WWOX: variants seen among roughly 807,000 people sequenced by gnomAD.
WWOX encodes WW domain containing oxidoreductase.
WWOX carries 69 observed loss-of-function variants against 46.2 expected under a neutral mutation model. The ratio of observed to expected loss-of-function variants is 1.49; its 90% confidence interval spans 1.23 to 1.82. The LOEUF (loss-of-function observed/expected upper bound fraction) is 1.82. Ranked by LOEUF, WWOX falls within the 40% of genes most tolerant of loss-of-function variation. The pLI, the probability that WWOX is intolerant of heterozygous loss-of-function variation, is 0.00. For synonymous variants in WWOX, 359 were observed against 202.6 expected (o/e 1.77, Z -6.56); for missense variants, 919 against 542.6 (o/e 1.69, Z -6.89).
intron 5 of WWOX, among the ~76,000 whole-genome samples, chr16:78,265,208 C>T (rs2079337216): frequency 6.6e-6 from 1 of 151,824 alleles, no homozygotes; most frequent in Non-Finnish European, 1.5e-5. Flanking sequence ...ATCATGTAGG[C>T]CAGGCTGGTC....
intron 8 of WWOX, among the ~76,000 whole-genome samples, chr16:78,655,837 G>A (rs1178964866): frequency 4.6e-5 from 7 of 152,234 alleles, no homozygotes; most frequent in Non-Finnish European, 1.5e-5. Flanking sequence ...TTTAGGTGAT[G>A]TGGGCTTGAT....
intron 8 of WWOX, among the ~76,000 whole-genome samples, chr16:78,799,625 G>C (rs79360311): frequency 5.2e-4 from 79 of 152,190 alleles, no homozygotes; most frequent in Non-Finnish European, 7.3e-4. Context: ...GCTTTGGACG[G>C]CCCCCTGAAC....
chr16:79,134,529 C>G (rs957761527), intron 8 of WWOX, among the ~76,000 whole-genome samples: 28 of 152,286 alleles, frequency 1.8e-4, no homozygotes, highest in Non-Finnish European at 3.1e-4. Context: ...CCGGGGCCCA[C>G]TCCTACCTGG....
intron 8 of WWOX, among the ~76,000 whole-genome samples, chr16:79,076,647 G>C (rs2048663013): frequency 6.6e-6 from 1 of 152,190 alleles, no homozygotes; most frequent in African/African-American, 2.4e-5. Context: ...TAGGTAGGCG[G>C]TATGGGAAGA....
At chr16:78,193,481 C>T (rs952827660) in intron 5 of WWOX, among the ~76,000 whole-genome samples, 6 of 27,606 alleles carry the variant, frequency 2.2e-4, no homozygotes, top group African/African-American at 1.0e-3. Flanking sequence ...AGAATCAAAC[C>T]GGTGGTCTTT....
intron 6 of WWOX, among the ~76,000 whole-genome samples, chr16:78,408,047 A>C (rs1331357545): frequency 6.6e-6 from 1 of 152,120 alleles, no homozygotes. Flanking sequence ...AGTCCAGGTG[A>C]GAGTGGCAGG....
At chr16:78,643,765 ATT>A (rs1379900863) in intron 8 of WWOX, among the ~76,000 whole-genome samples, 1 of 151,030 alleles carries the variant, frequency 6.6e-6, no homozygotes, top group Non-Finnish European at 1.5e-5. Flanking sequence ...TGTAGAGTTT[ATT>A]CATATCACTC....
intron 8 of WWOX, among the ~76,000 whole-genome samples, chr16:79,094,395 G>T (rs899147469): frequency 6.6e-6 from 1 of 151,842 alleles, no homozygotes; most frequent in Non-Finnish European, 1.5e-5. Flanking sequence ...GATTACAGGC[G>T]CCCGCCACCA....
intron 8 of WWOX, among the ~76,000 whole-genome samples, chr16:78,676,141 C>T (rs960764351): frequency 5.9e-5 from 9 of 151,912 alleles, no homozygotes; most frequent in Non-Finnish European, 8.8e-5. Flanking sequence ...TGAGAGCCCC[C>T]AAGGGTTCAA....
At chr16:78,843,112 T>C (rs1231189623) in intron 8 of WWOX, among the ~76,000 whole-genome samples, 1 of 149,708 alleles carries the variant, frequency 6.7e-6, no homozygotes, top group Non-Finnish European at 1.5e-5. Context: ...TTTGGCACCA[T>C]AGAAATGTTT....
intron 8 of WWOX, among the ~76,000 whole-genome samples, chr16:78,505,026 T>C (rs1009697455): frequency 6.6e-6 from 1 of 152,186 alleles, no homozygotes; most frequent in African/African-American, 2.4e-5. Flanking sequence ...AAATGGTGTA[T>C]TTCACACAGT....
rs531934434 is a variant in WWOX at position 78,873,931 on chromosome 16, C to T, written c.1057-337677C>T. ...TCTCTGAAGACTTCATTCTAGTGGC[C>T]ATTGAAAATGTGTAACTACCCACAG... On this transcript the variant is annotated intron_variant, in intron 8 of 8. Coordinates refer to ENST00000566780, the MANE Select transcript of WWOX (RefSeq NM_016373.4). Among the ~76,000 whole-genome samples, 3 of 152,042 alleles carry T rather than the reference C, an allele frequency of 2.0e-5. No individual in the cohort carries two copies. The East Asian group carries it at 5.8e-4, about 30-fold the overall frequency.
At chr16:78,456,302 C>T (rs1201924754) in intron 8 of WWOX, among the ~76,000 whole-genome samples, 1 of 152,092 alleles carries the variant, frequency 6.6e-6, no homozygotes, top group African/African-American at 2.4e-5. Flanking sequence ...TCACGAGTGT[C>T]TGTGAATAGT....
intron 5 of WWOX, among the ~76,000 whole-genome samples, chr16:78,236,705 A>G (rs1283934760): frequency 2.0e-5 from 3 of 152,164 alleles, no homozygotes; most frequent in Non-Finnish European, 4.4e-5. Flanking sequence ...ATAGTTAAAC[A>G]TGTGCTGAAA....
intron 5 of WWOX, among the ~76,000 whole-genome samples, chr16:78,210,314 A>T (rs7203227): frequency 0.23 from 34,332 of 152,132 alleles, 4,239 homozygotes; most frequent in East Asian, 0.32. Flanking sequence ...CATCGGCTTC[A>T]GGCAGTCGAT....
chr16:78,146,338 C>T (rs1431191039), intron 4 of WWOX, among the ~76,000 whole-genome samples: 1 of 152,114 alleles, frequency 6.6e-6, no homozygotes, highest in African/African-American at 2.4e-5. Flanking sequence ...TTAAATTGAT[C>T]CTAGTCACAA....
At chr16:78,588,109 G>A (rs1279005954) in intron 8 of WWOX, among the ~76,000 whole-genome samples, 4 of 151,812 alleles carry the variant, frequency 2.6e-5, no homozygotes, top group East Asian at 3.9e-4. Flanking sequence ...TCCTGCTGGC[G>A]GGCCTTGCAC....
At chr16:78,610,320 A>G (rs1461990915) in intron 8 of WWOX, among the ~76,000 whole-genome samples, 1 of 152,206 alleles carries the variant, frequency 6.6e-6, no homozygotes, top group East Asian at 1.9e-4. Flanking sequence ...ACCTATCCAT[A>G]GAGGGGGAAA....
chr16:78,222,930 G>A (rs139630418), intron 5 of WWOX, among the ~76,000 whole-genome samples: 43 of 152,304 alleles, frequency 2.8e-4, no homozygotes, highest in African/African-American at 1.0e-3. Context: ...CAGGGTTCAG[G>A]GGGCTGTCCC....
Sources: gnomAD v4.1 joint callset for allele counts (sites outside exome capture counted in the v4.1 genomes callset) on GRCh38, gnomAD v4.1.1 for gene constraint, MANE v1.5 for transcripts, NCBI Gene and HGNC (gene_info 2026-07-23, HGNC 2026-07-21) for gene names.